Variants in PLD5 observed in about 807,000 individuals in gnomAD.
PLD5 encodes the protein phospholipase D family member 5, also known as inactive phospholipase D5.
A neutral mutation model predicts 61.1 loss-of-function variants in PLD5; 36 were observed. The observed-to-expected ratio is 0.59, with a 90% CI of 0.45 to 0.78. The LOEUF is 0.78. Ranked by LOEUF, PLD5 falls within the 30% of genes least tolerant of loss-of-function variation. PLD5 has a pLI of 0.00. For missense variants in PLD5, 515 were observed against 644.4 expected (o/e 0.80, Z 2.17); for synonymous variants, 243 against 242.8 (o/e 1.00, Z -0.01).
intron 3 of PLD5, among the ~76,000 whole-genome samples, chr1:242,285,217 C>T (rs1016288882): frequency 6.6e-6 from 1 of 152,226 alleles, no homozygotes; most frequent in Non-Finnish European, 1.5e-5. Context: ...TAACATCTAG[C>T]ATCTACCTTT....
chr1:242,091,431 A>T (rs1659812751), intron 9 of PLD5, among the ~76,000 whole-genome samples: 1 of 152,172 alleles, frequency 6.6e-6, no homozygotes, highest in African/African-American at 2.4e-5. Flanking sequence ...TCTTGAGACT[A>T]ACAAGGCATG....
chr1:242,154,626 G>C (rs1376418438), intron 5 of PLD5, among the ~76,000 whole-genome samples: 10 of 152,274 alleles, frequency 6.6e-5, no homozygotes, highest in African/African-American at 2.4e-4. Flanking sequence ...CATTGGTTCT[G>C]TTTATGTAAT....
intron 5 of PLD5, among the ~76,000 whole-genome samples, chr1:242,149,458 T>G (rs1256865523): frequency 6.6e-6 from 1 of 151,860 alleles, no homozygotes; most frequent in African/African-American, 2.4e-5. Flanking sequence ...TGTCTCATTT[T>G]GGTATTTGGG....
At chr1:242,476,092 C>A (rs1055897843) in intron 1 of PLD5, among the ~76,000 whole-genome samples, 1 of 152,230 alleles carries the variant, frequency 6.6e-6, no homozygotes, top group Non-Finnish European at 1.5e-5. Context: ...AGGTGGCTCA[C>A]GCCTGTAATC....
chr1:242,201,122 A>G (rs1443153519), intron 5 of PLD5, among the ~76,000 whole-genome samples: 1 of 152,242 alleles, frequency 6.6e-6, no homozygotes, highest in Non-Finnish European at 1.5e-5. Flanking sequence ...TAAGAAGGCC[A>G]TGTTAAAACG....
At chr1:242,284,832 T>C (rs1056156419) in intron 3 of PLD5, among the ~76,000 whole-genome samples, 1 of 152,270 alleles carries the variant, frequency 6.6e-6, no homozygotes, top group Admixed American at 6.5e-5. Context: ...TCACAGCACC[T>C]TTAATCCATT....
At chr1:242,393,430 G>T (rs1435681882) in intron 1 of PLD5, among the ~76,000 whole-genome samples, 1 of 47,418 alleles carries the variant, frequency 2.1e-5, no homozygotes, top group African/African-American at 8.8e-5. Flanking sequence ...ATATATATGT[G>T]TATATATATG....
chr1:242,374,131 A>G (rs564529101), intron 1 of PLD5, among the ~76,000 whole-genome samples: 16 of 152,130 alleles, frequency 1.1e-4, no homozygotes, highest in Non-Finnish European at 2.2e-4. Context: ...CTGTGCATAC[A>G]TCTTCCTCTC....
intron 1 of PLD5, among the ~76,000 whole-genome samples, chr1:242,458,082 G>A (rs553491625): frequency 6.6e-6 from 1 of 152,240 alleles, no homozygotes; most frequent in Non-Finnish European, 1.5e-5. Flanking sequence ...CTACTGTCTG[G>A]TCACTCTGTC....
intron 2 of PLD5, among the ~76,000 whole-genome samples, chr1:242,308,251 A>T (rs1168856928): frequency 4.6e-5 from 7 of 152,158 alleles, no homozygotes; most frequent in Non-Finnish European, 7.4e-5. Context: ...CAATCTTGCA[A>T]TTCTCTAATC....
At chr1:242,394,044 G>A (rs1187423573) in intron 1 of PLD5, among the ~76,000 whole-genome samples, 1 of 139,478 alleles carries the variant, frequency 7.2e-6, no homozygotes, top group Admixed American at 7.8e-5. Context: ...TGGATAAGAC[G>A]ACGACTCCAT....
intron 3 of PLD5, among the ~76,000 whole-genome samples, chr1:242,270,323 G>A (rs932063927): frequency 4.0e-5 from 6 of 151,346 alleles, no homozygotes; most frequent in South Asian, 2.1e-4. Flanking sequence ...TGAGAAGGCC[G>A]TAGCTGGAAG....
intron 1 of PLD5, among the ~76,000 whole-genome samples, chr1:242,486,972 A>C (rs1667984905): frequency 6.6e-6 from 1 of 152,138 alleles, no homozygotes; most frequent in Non-Finnish European, 1.5e-5. Context: ...CAGAAAACCA[A>C]ACACTGCATG....
chr1:242,347,930 T>G (rs1397727899), intron 2 of PLD5, among the ~76,000 whole-genome samples, 176 bp downstream of exon 2: 2 of 152,186 alleles, frequency 1.3e-5, no homozygotes, highest in African/African-American at 4.8e-5. Flanking sequence ...ATTCAATCAT[T>G]ACTCATTACT....
At position 242,089,610 on chromosome 1, in the gene PLD5, G is replaced by A. The variant is rs759735247; in HGVS notation, c.*244C>T. The A allele has an allele frequency of 5.5e-5, 31 of 565,362 alleles. No homozygotes were observed. Among genetic ancestry groups the A allele is most frequent in the Non-Finnish European group, 7.3e-5 (24 of 330,564 alleles). The allele number at this position is 565,362 out of a possible 1,614,324, so 35.0% of individuals were successfully genotyped here. ...AAAGTCTTAAAATTTGTATGCAAACGTAAAAACTAACTTCTACGCCAGAAT... is the reference window on the plus strand; with the variant it reads ...AAAGTCTTAAAATTTGTATGCAAACATAAAAACTAACTTCTACGCCAGAAT... On this transcript the variant is annotated 3_prime_UTR_variant, in exon 10 of 10. Transcript: ENST00000536534.
At chr1:242,127,095 A>G (rs1210422573) in intron 5 of PLD5, among the ~76,000 whole-genome samples, 1 of 152,248 alleles carries the variant, frequency 6.6e-6, no homozygotes, top group Non-Finnish European at 1.5e-5. Context: ...AACCAAAGCC[A>G]CAATGTGATA....
chr1:242,089,774 A>T lies in PLD5; in HGVS notation c.*80T>A, dbSNP rs1332477879. The T allele has an allele frequency of 1.9e-6, 3 of 1,553,222 alleles. No individual in the cohort carries two copies. Among genetic ancestry groups the T allele is most frequent in the Non-Finnish European group, 2.6e-6 (3 of 1,137,056 alleles). ...GCTTTTTCCCTAAAAAAAGAGACAT[A>T]TTAAAGTGTTTTTTCTCTCCTCAAG... On this transcript the variant is annotated 3_prime_UTR_variant, in exon 10 of 10. Coordinates refer to ENST00000536534, the MANE Select transcript of PLD5 (RefSeq NM_001372062.1).
At chr1:242,243,253 AAG>A (rs1008123030) in intron 4 of PLD5, among the ~76,000 whole-genome samples, 4 of 152,212 alleles carry the variant, frequency 2.6e-5, no homozygotes, top group African/African-American at 9.7e-5. Context: ...AGGCAGTTTA[AAG>A]AGAGTCCGGC....
intron 2 of PLD5, among the ~76,000 whole-genome samples, chr1:242,305,963 A>G (rs1676326213): frequency 6.6e-6 from 1 of 152,112 alleles, no homozygotes; most frequent in African/African-American, 2.4e-5. Context: ...AAAGGGGGGG[A>G]AGTCCATGGG....
Sources: gnomAD v4.1 joint callset for allele counts (sites outside exome capture counted in the v4.1 genomes callset) on GRCh38, gnomAD v4.1.1 for gene constraint, MANE v1.5 for transcripts, NCBI Gene and HGNC (gene_info 2026-07-23, HGNC 2026-07-21) for gene names.